ETV6: variants seen among roughly 807,000 people sequenced by gnomAD.
The protein encoded by ETV6 is transcription factor ETV6.
Under a neutral mutation model 51.1 loss-of-function variants are expected in ETV6, and 16 were observed. The observed-to-expected ratio is 0.31, with a 90% CI of 0.21 to 0.48. The LOEUF (loss-of-function observed/expected upper bound fraction) is 0.48, where lower values mean the gene tolerates loss of function less well. ETV6 is among the 20% of genes least tolerant of loss of function. ETV6 has a pLI of 0.99. For synonymous variants in ETV6, 240 were observed against 224.1 expected (o/e 1.07, Z -0.64); for missense variants, 458 against 594.8 (o/e 0.77, Z 2.39).
Position 11,822,358 on chromosome 12 carries a change from T to C in ETV6, c.164-16782T>C, listed in dbSNP as rs143437893. 1.1e-3 allele frequency among the ~76,000 whole-genome samples: 165 copies of C among 152,332 alleles called. 2 individuals carry two copies. Among genetic ancestry groups the C allele is most frequent in the African/African-American group, 3.8e-3 (160 of 41,560 alleles). ...GAAAGAAACAGCAGATGTCAGGAAG[T>C]TTTTGTTAATCCTGCCTTGTGCGTT... On this transcript the variant is annotated intron_variant, in intron 2 of 7. Coordinates refer to ENST00000396373, the MANE Select transcript of ETV6 (RefSeq NM_001987.5).
At chr12:11,798,564 G>T (rs937626951) in intron 2 of ETV6, among the ~76,000 whole-genome samples, 3 of 152,152 alleles carry the variant, frequency 2.0e-5, no homozygotes, top group Non-Finnish European at 2.9e-5. Context: ...AAGTGGGAGA[G>T]ATTGAAATGA....
intron 1 of ETV6, among the ~76,000 whole-genome samples, chr12:11,702,371 A>C (rs118172393): frequency 6.6e-6 from 1 of 152,154 alleles, no homozygotes; most frequent in Non-Finnish European, 1.5e-5. Context: ...TATTATACCC[A>C]TAGTGGCAAG....
At chr12:11,792,938 A>C (rs1945624248) in intron 2 of ETV6, among the ~76,000 whole-genome samples, 1 of 152,176 alleles carries the variant, frequency 6.6e-6, no homozygotes, top group South Asian at 2.1e-4. Context: ...TGTTGGAAAA[A>C]TAATTTAACA....
intron 2 of ETV6, among the ~76,000 whole-genome samples, chr12:11,791,371 C>G (rs1945587207): frequency 6.6e-6 from 1 of 152,184 alleles, no homozygotes. Flanking sequence ...GACAGTCTTC[C>G]TGCCATAGGG....
At chr12:11,714,511 A>G (rs573025822) in intron 1 of ETV6, among the ~76,000 whole-genome samples, 164 of 152,320 alleles carry the variant, frequency 1.1e-3, no homozygotes, top group African/African-American at 3.7e-3. Context: ...ATAATTCAGT[A>G]TGACTTTATG....
intron 7 of ETV6, 93 bp downstream of exon 7, chr12:11,886,119 T>G (rs932246884): frequency 6.9e-6 from 6 of 863,548 alleles, no homozygotes; most frequent in Admixed American, 4.0e-5. Flanking sequence ...GATCTCTACC[T>G]GCCTATCGGA....
At chr12:11,683,766 C>T (rs544507609) in intron 1 of ETV6, among the ~76,000 whole-genome samples, 1 of 152,178 alleles carries the variant, frequency 6.6e-6, no homozygotes, top group Non-Finnish European at 1.5e-5. Flanking sequence ...GCTGTAAACT[C>T]AGAAACAGAT....
intron 4 of ETV6, 124 bp downstream of exon 4, chr12:11,853,685 G>A (rs1355344380): frequency 9.1e-7 from 1 of 1,096,190 alleles, no homozygotes; most frequent in Non-Finnish European, 1.3e-6. Flanking sequence ...CAATTATTGA[G>A]TGCTTACTAT....
intron 1 of ETV6, among the ~76,000 whole-genome samples, chr12:11,714,509 G>A (rs1488075309): frequency 3.3e-5 from 5 of 152,148 alleles, no homozygotes; most frequent in Non-Finnish European, 7.3e-5. Context: ...AAATAATTCA[G>A]TATGACTTTA....
chr12:11,694,786 G>C (rs564032797), intron 1 of ETV6, among the ~76,000 whole-genome samples: 1 of 152,300 alleles, frequency 6.6e-6, no homozygotes, highest in East Asian at 1.9e-4. Context: ...ACATGTTCCT[G>C]CTGGTGCTTG....
At chr12:11,671,080 C>T (rs1033976213) in intron 1 of ETV6, among the ~76,000 whole-genome samples, 6 of 152,150 alleles carry the variant, frequency 3.9e-5, no homozygotes, top group Admixed American at 3.3e-4. Flanking sequence ...GGACCTCCTC[C>T]TCTCCCCTGC....
chr12:11,885,874 A>G (rs1947175662), intron 6 of ETV6, 52 bp from the exon 7 acceptor site: 2 of 1,376,942 alleles, frequency 1.5e-6, no homozygotes, highest in Non-Finnish European at 2.1e-6. Context: ...TCTGAGGTTC[A>G]TTTCATTGTG....
rs117061183 is a variant in ETV6, at chr12:11,713,144, T to C, written c.34-39306T>C. Among the ~76,000 whole-genome samples the C allele has an allele frequency of 2.0e-3, 312 of 152,304 alleles. 10 individuals carry two copies. The East Asian group carries it at 0.045, about 22-fold the overall frequency. Reference sequence around the variant, plus strand: ...CAGGATAGAGGTGGTCTAGCTCTTATGTGATCATGGGCAAGTGAACATGCC... The same window carrying C: ...CAGGATAGAGGTGGTCTAGCTCTTACGTGATCATGGGCAAGTGAACATGCC... On this transcript the variant is annotated intron_variant, in intron 1 of 7. Coordinates refer to ENST00000396373, the MANE Select transcript of ETV6 (RefSeq NM_001987.5).
At chr12:11,757,112 G>A (rs1004774205) in intron 2 of ETV6, among the ~76,000 whole-genome samples, 4 of 152,120 alleles carry the variant, frequency 2.6e-5, no homozygotes, top group Non-Finnish European at 5.9e-5. Context: ...TAGCCGCTCG[G>A]CGTTTTCTGG....
chr12:11,699,526 G>T (rs1864939506), intron 1 of ETV6, among the ~76,000 whole-genome samples: 1 of 152,072 alleles, frequency 6.6e-6, no homozygotes, highest in South Asian at 2.1e-4. Flanking sequence ...AAAATGCAGG[G>T]GTGTGTGTGT....
chr12:11,650,371 C>T (rs1863871390), intron 1 of ETV6, among the ~76,000 whole-genome samples: 1 of 112,942 alleles, frequency 8.9e-6, no homozygotes. Context: ...CCCCTGCCGG[C>T]TCCTCGGCCC....
intron 5 of ETV6, among the ~76,000 whole-genome samples, chr12:11,881,237 C>A (rs1430090867): frequency 6.6e-6 from 1 of 152,192 alleles, no homozygotes; most frequent in East Asian, 1.9e-4. Flanking sequence ...AGCCACCACA[C>A]CCAACCCTAA....
chr12:11,848,513 A>G (rs1436943031), intron 3 of ETV6, among the ~76,000 whole-genome samples: 1 of 152,252 alleles, frequency 6.6e-6, no homozygotes, highest in Non-Finnish European at 1.5e-5. Context: ...TTTGGAACAC[A>G]TTACAATACA....
intron 2 of ETV6, among the ~76,000 whole-genome samples, chr12:11,816,981 A>AGG (rs1946003300): frequency 6.6e-6 from 1 of 152,200 alleles, no homozygotes; most frequent in Non-Finnish European, 1.5e-5. Flanking sequence ...TGGGCTGGAT[A>AGG]GGGGGCAGGA....
Sources: gnomAD v4.1 joint callset for allele counts (sites outside exome capture counted in the v4.1 genomes callset) on GRCh38, gnomAD v4.1.1 for gene constraint, MANE v1.5 for transcripts, NCBI Gene and HGNC (gene_info 2026-07-23, HGNC 2026-07-21) for gene names.